ANKS1B: variants seen among roughly 807,000 people sequenced by gnomAD.
The protein encoded by ANKS1B is ankyrin repeat and sterile alpha motif domain containing 1B.
Under a neutral mutation model 148.3 loss-of-function variants are expected in ANKS1B, and 36 were observed. The observed-to-expected ratio is 0.24, with a 90% CI of 0.19 to 0.32. The LOEUF is 0.32. Among genes scored for constraint, ANKS1B ranks in the 10% least tolerant of loss-of-function variants. The probability of loss-of-function intolerance (pLI) is 1.00; values close to 1 mark genes in which losing one functional copy is unlikely to be tolerated. For synonymous variants in ANKS1B, 542 were observed against 560.8 expected (o/e 0.97, Z 0.47); for missense variants, 1,157 against 1,542.6 (o/e 0.75, Z 4.19).
intron 17 of ANKS1B, among the ~76,000 whole-genome samples, chr12:98,987,485 T>TAATGGTA (rs2099924159): frequency 6.6e-6 from 1 of 152,068 alleles, no homozygotes; most frequent in South Asian, 2.1e-4. Flanking sequence ...TAAAAAATCA[T>TAATGGTA]AATGGTAAAG....
chr12:99,385,633 A>G (rs1231096142), intron 12 of ANKS1B, among the ~76,000 whole-genome samples: 1 of 152,186 alleles, frequency 6.6e-6, no homozygotes, highest in Non-Finnish European at 1.5e-5. Flanking sequence ...GTTAGTAGCA[A>G]ACTACTTAGC....
chr12:99,357,945 C>T (rs2092162176), intron 12 of ANKS1B, among the ~76,000 whole-genome samples: 1 of 151,938 alleles, frequency 6.6e-6, no homozygotes, highest in African/African-American at 2.4e-5. Flanking sequence ...TATACTGCTG[C>T]TTTAATTTGT....
chr12:98,920,031 C>T (rs1439145577), intron 17 of ANKS1B, among the ~76,000 whole-genome samples: 2 of 152,186 alleles, frequency 1.3e-5, no homozygotes, highest in African/African-American at 2.4e-5. Context: ...AATTGGGTGG[C>T]TTAAACAACA....
At chr12:99,462,772 T>G (rs181158611) in intron 10 of ANKS1B, among the ~76,000 whole-genome samples, 2 of 152,356 alleles carry the variant, frequency 1.3e-5, no homozygotes, top group African/African-American at 4.8e-5. Context: ...ATTATGGGAA[T>G]GGATCCCTCA....
At chr12:99,576,350 A>C (rs2153225071) in intron 9 of ANKS1B, among the ~76,000 whole-genome samples, 1 of 152,200 alleles carries the variant, frequency 6.6e-6, no homozygotes, top group Non-Finnish European at 1.5e-5. Flanking sequence ...TTAACAAGAT[A>C]TTCAGGACCT....
intron 17 of ANKS1B, among the ~76,000 whole-genome samples, chr12:99,052,566 AAAATACAAAAAATTAGCCGGGCGCGG>A (rs2099966845): frequency 6.8e-6 from 1 of 147,982 alleles, no homozygotes; most frequent in South Asian, 2.2e-4. Flanking sequence ...TCTCTACTAA[AAAATACAAAAAATTAGCCGGGCGCGG>A]TGGCGGGCGC....
chr12:99,086,771 G>C (rs1039330948), intron 15 of ANKS1B, among the ~76,000 whole-genome samples: 1 of 152,138 alleles, frequency 6.6e-6, no homozygotes, highest in Non-Finnish European at 1.5e-5. Context: ...CGTCTATAGA[G>C]GTTCAAGAAT....
chr12:99,113,247 T>G (rs1251684028), intron 15 of ANKS1B, among the ~76,000 whole-genome samples: 3 of 151,902 alleles, frequency 2.0e-5, no homozygotes, highest in Non-Finnish European at 4.4e-5. Flanking sequence ...GTGTCCTCAA[T>G]GAAACTCAGT....
chr12:99,351,066 T>C (rs1474441139), intron 12 of ANKS1B, among the ~76,000 whole-genome samples: 4 of 152,140 alleles, frequency 2.6e-5, no homozygotes, highest in Non-Finnish European at 5.9e-5. Context: ...ATTCCACTTT[T>C]TGAAAATCTC....
chr12:98,835,690 C>T (rs1036130586), intron 17 of ANKS1B, among the ~76,000 whole-genome samples: 4 of 152,208 alleles, frequency 2.6e-5, no homozygotes, highest in African/African-American at 9.7e-5. Flanking sequence ...CTGTCTCCTC[C>T]ATAGAGCTAC....
chr12:99,733,428 A>C (rs1222546061), intron 8 of ANKS1B, among the ~76,000 whole-genome samples: 1 of 152,148 alleles, frequency 6.6e-6, no homozygotes, highest in Admixed American at 6.5e-5. Flanking sequence ...TACGACAATA[A>C]ATTTGGTGGA....
At chr12:99,678,143 CT>C (rs2098592350) in intron 8 of ANKS1B, among the ~76,000 whole-genome samples, 4 of 152,184 alleles carry the variant, frequency 2.6e-5, no homozygotes, top group African/African-American at 7.2e-5. Flanking sequence ...ATGTTGAGAA[CT>C]TACTGTTCTA....
intron 10 of ANKS1B, among the ~76,000 whole-genome samples, chr12:99,470,720 A>C (rs528019396): frequency 3.4e-4 from 52 of 152,280 alleles, no homozygotes; most frequent in African/African-American, 1.2e-3. Context: ...ATATGTGCCA[A>C]GTATTTCATG....
intron 17 of ANKS1B, among the ~76,000 whole-genome samples, chr12:99,003,725 G>A (rs1167021169): frequency 6.6e-6 from 1 of 152,164 alleles, no homozygotes; most frequent in African/African-American, 2.4e-5. Context: ...AGTAGAGCCT[G>A]ATGGTTAGAG....
chr12:99,429,735 G>C (rs554964725), intron 11 of ANKS1B, among the ~76,000 whole-genome samples: 1 of 152,052 alleles, frequency 6.6e-6, no homozygotes, highest in African/African-American at 2.4e-5. Flanking sequence ...AGGCCAAGGC[G>C]GGTGGATCAC....
At chr12:98,991,319 C>A (rs2099926468) in intron 17 of ANKS1B, among the ~76,000 whole-genome samples, 1 of 152,098 alleles carries the variant, frequency 6.6e-6, no homozygotes, top group South Asian at 2.1e-4. Flanking sequence ...GTGCTGTTTG[C>A]ATATAGGGTA....
chr12:98,890,506 T>C (rs2099750224), intron 17 of ANKS1B, among the ~76,000 whole-genome samples: 1 of 152,188 alleles, frequency 6.6e-6, no homozygotes, highest in South Asian at 2.1e-4. Flanking sequence ...AGAACTGGCT[T>C]ATTTTTACAG....
At chr12:98,967,924 T>C (rs2099879947) in intron 17 of ANKS1B, among the ~76,000 whole-genome samples, 1 of 152,074 alleles carries the variant, frequency 6.6e-6, no homozygotes, top group Non-Finnish European at 1.5e-5. Flanking sequence ...AGGCCTCATC[T>C]GAAAGGCAGA....
intron 12 of ANKS1B, among the ~76,000 whole-genome samples, chr12:99,313,852 TG>T (rs1188166150): frequency 1.3e-5 from 2 of 152,258 alleles, no homozygotes; most frequent in East Asian, 3.9e-4. Context: ...CTTCGAAAAC[TG>T]GTACAAGACA....
Sources: allele counts gnomAD v4.1 joint callset (sites outside exome capture counted in the v4.1 genomes callset), GRCh38; gene constraint gnomAD v4.1.1; transcripts MANE v1.5; gene names NCBI Gene and HGNC (gene_info 2026-07-23, HGNC 2026-07-21).